The following NELL1 variants were observed in gnomAD, a reference collection of about 807,000 sequenced individuals.
The protein encoded by NELL1 is neural EGFL like 1, also known as protein kinase C-binding protein NELL1.
In NELL1, 76 loss-of-function variants were observed where a neutral mutation model predicts 107.4. The ratio of observed to expected loss-of-function variants is 0.71; its 90% CI spans 0.59 to 0.86. The LOEUF is 0.86. NELL1 is among the 40% of genes least tolerant of loss of function. The probability of loss-of-function intolerance (pLI) is 0.00; values close to 1 mark genes in which losing one functional copy is unlikely to be tolerated. For missense variants in NELL1, 1,024 were observed against 1,005.5 expected, an observed-to-expected ratio of 1.02 and a Z score of -0.25; for synonymous variants, 353 against 341.2, an observed-to-expected ratio of 1.03 and a Z score of -0.38.
intron 2 of NELL1, among the ~76,000 whole-genome samples, chr11:20,692,911 G>A (rs571245193): frequency 3.9e-5 from 6 of 152,246 alleles, no homozygotes; most frequent in South Asian, 4.2e-4. Context: ...TTATTAATGC[G>A]TGGGAGTCTA....
intron 9 of NELL1, among the ~76,000 whole-genome samples, chr11:20,933,331 C>T (rs74808649): frequency 0.026 from 3,931 of 152,208 alleles, 180 homozygotes; most frequent in African/African-American, 0.09. Context: ...AGGGACAGAG[C>T]GTCTGTAAGG....
chr11:21,472,886 C>A (rs1294857509), intron 15 of NELL1, among the ~76,000 whole-genome samples: 1 of 151,594 alleles, frequency 6.6e-6, no homozygotes, highest in Non-Finnish European at 1.5e-5. Context: ...TTTAAGCCAT[C>A]TATGTGATTA....
At chr11:20,895,344 A>T (rs1223845583) in intron 5 of NELL1, among the ~76,000 whole-genome samples, 1 of 133,464 alleles carries the variant, frequency 7.5e-6, no homozygotes, top group Non-Finnish European at 1.6e-5. Flanking sequence ...TACTGTGTAT[A>T]TGTACCCTTT....
chr11:21,145,745 A>G (rs902416795), intron 13 of NELL1, among the ~76,000 whole-genome samples: 1 of 152,138 alleles, frequency 6.6e-6, no homozygotes, highest in Non-Finnish European at 1.5e-5. Flanking sequence ...GCCCTCTGTT[A>G]ACTTAGTCCT....
intron 2 of NELL1, among the ~76,000 whole-genome samples, chr11:20,699,068 T>A (rs1436570064): frequency 4.0e-5 from 6 of 151,772 alleles, no homozygotes; most frequent in Admixed American, 3.9e-4. Context: ...AATACAAAAA[T>A]TAGCTGGGCA....
At chr11:21,420,823 C>G (rs1397841044) in intron 15 of NELL1, among the ~76,000 whole-genome samples, 2 of 151,986 alleles carry the variant, frequency 1.3e-5, no homozygotes, top group Non-Finnish European at 2.9e-5. Flanking sequence ...TGGCAGTATC[C>G]CATTCCACTC....
intron 2 of NELL1, among the ~76,000 whole-genome samples, chr11:20,703,232 G>A (rs1023642303): frequency 2.0e-5 from 3 of 152,014 alleles, no homozygotes; most frequent in Non-Finnish European, 4.4e-5. Flanking sequence ...GTGTTGGGAG[G>A]GTGTATGTGT....
chr11:21,131,453 T>A (rs2133757717), intron 13 of NELL1, among the ~76,000 whole-genome samples: 1 of 152,254 alleles, frequency 6.6e-6, no homozygotes, highest in South Asian at 2.1e-4. Context: ...CTCAGGCAAG[T>A]CATTTTAACT....
chr11:21,273,664 T>C (rs1590792979), intron 14 of NELL1, among the ~76,000 whole-genome samples: 1 of 152,234 alleles, frequency 6.6e-6, no homozygotes, highest in Admixed American at 6.5e-5. Context: ...AAAGGTCGGG[T>C]TACCCACAAA....
intron 15 of NELL1, among the ~76,000 whole-genome samples, chr11:21,469,827 A>G (rs1230001239): frequency 6.6e-6 from 1 of 152,056 alleles, no homozygotes; most frequent in Non-Finnish European, 1.5e-5. Flanking sequence ...AATCCACAAC[A>G]TTGTACAAGT....
intron 14 of NELL1, among the ~76,000 whole-genome samples, chr11:21,344,108 G>A (rs1850633350): frequency 6.6e-6 from 1 of 152,208 alleles, no homozygotes; most frequent in Non-Finnish European, 1.5e-5. Flanking sequence ...TGCGCATTCT[G>A]TCTGAGCATC....
intron 15 of NELL1, among the ~76,000 whole-genome samples, chr11:21,533,975 T>C (rs1330691132): frequency 1.3e-5 from 2 of 152,180 alleles, no homozygotes; most frequent in East Asian, 1.9e-4. Flanking sequence ...CCTGAACTTA[T>C]TTGTTCATAA....
intron 14 of NELL1, among the ~76,000 whole-genome samples, chr11:21,273,278 C>A (rs191210591): frequency 1.2e-4 from 18 of 152,240 alleles, no homozygotes; most frequent in Admixed American, 9.8e-4. Context: ...GTAGCTGATT[C>A]AGTCAACTGC....
intron 12 of NELL1, among the ~76,000 whole-genome samples, chr11:21,104,297 C>T (rs545719271): frequency 1.3e-5 from 2 of 152,128 alleles, no homozygotes; most frequent in Admixed American, 6.5e-5. Flanking sequence ...GTTTTATGGA[C>T]ACCCTCAAAA....
chr11:20,941,529 T>A (rs1327743400), intron 10 of NELL1, among the ~76,000 whole-genome samples: 1 of 150,980 alleles, frequency 6.6e-6, no homozygotes, highest in Non-Finnish European at 1.5e-5. Context: ...TCCTCCTACA[T>A]GATATTTTTT....
chr11:21,254,878 G>A (rs930031744), intron 14 of NELL1, among the ~76,000 whole-genome samples: 8 of 152,192 alleles, frequency 5.3e-5, no homozygotes, highest in Admixed American at 4.6e-4. Flanking sequence ...AGAGACATTT[G>A]AGAGCAGCTG....
chr11:21,096,318 T>C (rs1854642376), intron 12 of NELL1, among the ~76,000 whole-genome samples: 1 of 152,190 alleles, frequency 6.6e-6, no homozygotes, highest in Non-Finnish European at 1.5e-5. Context: ...CTCATTGAAC[T>C]CTTCACAGAA....
chr11:20,705,798 T>A (rs1416911933), intron 2 of NELL1, among the ~76,000 whole-genome samples: 5 of 151,250 alleles, frequency 3.3e-5, no homozygotes, highest in Admixed American at 6.6e-5. Context: ...GAATCTACAA[T>A]GAACGCCAAC....
At chr11:20,692,170 T>A (rs1321115821) in intron 2 of NELL1, among the ~76,000 whole-genome samples, 4 of 152,152 alleles carry the variant, frequency 2.6e-5, no homozygotes, top group African/African-American at 9.7e-5. Context: ...TTGATTCTTC[T>A]CTCTTTTTTT....
Sources: gnomAD v4.1 joint callset for allele counts (sites outside exome capture counted in the v4.1 genomes callset) on GRCh38, gnomAD v4.1.1 for gene constraint, MANE v1.5 for transcripts, NCBI Gene and HGNC (gene_info 2026-07-23, HGNC 2026-07-21) for gene names.